SLC11A2: variants seen among roughly 807,000 people sequenced by gnomAD.
The protein encoded by SLC11A2 is natural resistance-associated macrophage protein 2.
Under a neutral mutation model 68.0 loss-of-function variants are expected in SLC11A2, and 38 were observed. The observed-to-expected ratio is 0.56, with a 90% CI of 0.43 to 0.73. The LOEUF is 0.73. SLC11A2 is among the 30% of genes least tolerant of loss of function. The probability of loss-of-function intolerance (pLI) is 0.00; values close to 1 mark genes in which losing one functional copy is unlikely to be tolerated. For missense variants in SLC11A2, 517 were observed against 690.5 expected (o/e 0.75, Z 2.82); for synonymous variants, 242 against 250.6 (o/e 0.97, Z 0.32).
At chr12:50,963,168 G>C in the SLC11A2 span, among the ~76,000 whole-genome samples, 4 of 151,776 alleles carry the variant, frequency 2.6e-5, no homozygotes, top group Non-Finnish European at 4.4e-5. Flanking sequence ...TCAGGAGTTT[G>C]AGACAAGCCT....
At chr12:51,028,389 C>T (rs1414445995), upstream of SLC11A2, 2 of 531,820 alleles carry the variant, frequency 3.8e-6, no homozygotes, top group Middle Eastern at 4.8e-4. Context: ...CCCTCCAAAG[C>T]CTAATCAGAT....
chr12:50,965,463 A>T, the SLC11A2 span, among the ~76,000 whole-genome samples: 3 of 151,978 alleles, frequency 2.0e-5, no homozygotes, highest in Admixed American at 2.0e-4. Flanking sequence ...ATTTCCTACT[A>T]TAATAGCCCT....
At chr12:50,985,356 TC>T (rs1458204200), downstream of SLC11A2, among the ~76,000 whole-genome samples, 2 of 152,148 alleles carry the variant, frequency 1.3e-5, no homozygotes, top group East Asian at 3.8e-4. Flanking sequence ...ACAAAATTCT[TC>T]CTAGATGAAT....
At chr12:50,982,546 G>T (rs1940126225), downstream of SLC11A2, among the ~76,000 whole-genome samples, 1 of 152,326 alleles carries the variant, frequency 6.6e-6, no homozygotes, top group Non-Finnish European at 1.5e-5. Context: ...AGAATCACTT[G>T]AACCCAGGAG....
At chr12:50,997,738 A>T (rs1941842789) in intron 8 of SLC11A2, among the ~76,000 whole-genome samples, 1 of 146,602 alleles carries the variant, frequency 6.8e-6, no homozygotes, top group African/African-American at 2.5e-5. Flanking sequence ...CTGTAATCCT[A>T]GCACTTTAGC....
downstream of SLC11A2, among the ~76,000 whole-genome samples, chr12:50,985,011 C>A (rs1021599813): frequency 6.6e-6 from 1 of 152,088 alleles, no homozygotes; most frequent in South Asian, 2.1e-4. Context: ...TAAATGTGGG[C>A]AAGTTACTTT....
the SLC11A2 span, among the ~76,000 whole-genome samples, chr12:50,952,801 G>C: frequency 2.0e-5 from 3 of 152,168 alleles, no homozygotes; most frequent in Non-Finnish European, 4.4e-5. Context: ...GTTTCCGAAG[G>C]ATGGCAAGAA....
intron 1 of SLC11A2, among the ~76,000 whole-genome samples, chr12:51,020,494 T>A (rs1376278332): frequency 6.6e-6 from 1 of 152,116 alleles, no homozygotes; most frequent in Non-Finnish European, 1.5e-5. Context: ...TCTACTCAAG[T>A]GGGTAATATT....
intron 10 of SLC11A2, 111 bp downstream of exon 10, chr12:50,995,518 A>G (rs191335696): frequency 8.7e-7 from 1 of 1,146,088 alleles, no homozygotes; most frequent in African/African-American, 1.5e-5. Flanking sequence ...GAAGCTAGAG[A>G]TTATTTCTCC....
chr12:51,008,571 C>G lies in SLC11A2; in HGVS notation c.88G>C (p.Ala30Pro). ...ESASLGNINP[A>P]YSNPSLSQSP... The stretch of plus-strand genomic sequence containing the variant: ...TGTGAAAGAGAGGGATTACTATAGG[C>G]AGGGTTGATGTTACCAAGACTGGCA... The change falls in exon 3 of 16, where the codon GCC becomes CCC. Residue 30 changes from alanine (A) to proline (P), a missense_variant. Ala to Pro is a conservative substitution (Grantham distance 27, BLOSUM62 -1). Coordinates refer to ENST00000262052, the MANE Select transcript of SLC11A2 (RefSeq NM_000617.3). The G allele has an allele frequency of 6.2e-7, 1 of 1,612,358 alleles. No homozygotes were observed. Among genetic ancestry groups the G allele is most frequent in the Non-Finnish European group, 8.5e-7 (1 of 1,178,508 alleles).
At chr12:51,005,856 C>A in intron 3 of SLC11A2, 1 of 390,944 alleles carries the variant, frequency 2.6e-6, no homozygotes, top group Non-Finnish European at 4.7e-6. Context: ...CTCCCCCAAC[C>A]AACTGAACGG....
intron 9 of SLC11A2, among the ~76,000 whole-genome samples, chr12:50,996,241 A>C (rs1313974919): frequency 1.3e-5 from 2 of 152,208 alleles, no homozygotes; most frequent in Non-Finnish European, 2.9e-5. Context: ...TTTGAAATTT[A>C]AACACAAGAG....
intron 1 of SLC11A2, among the ~76,000 whole-genome samples, chr12:51,019,357 G>C (rs1943881508): frequency 1.3e-5 from 2 of 152,160 alleles, no homozygotes; most frequent in Non-Finnish European, 2.9e-5. Flanking sequence ...CAAAGTACTT[G>C]ACAGTTCTAC....
At chr12:51,021,748 TAAAGAAA>T (rs1256927065) in intron 1 of SLC11A2, among the ~76,000 whole-genome samples, 1 of 151,196 alleles carries the variant, frequency 6.6e-6, no homozygotes, top group Non-Finnish European at 1.5e-5. Context: ...CATCTTAAGA[TAAAGAAA>T]AAAGAAAAAG....
At chr12:50,981,894 A>G, downstream of SLC11A2, 2 of 682,458 alleles carry the variant, frequency 2.9e-6, no homozygotes. Context: ...ACATCAATTT[A>G]GGCCTTTTTT....
At position 50,986,495 on chromosome 12, in the gene SLC11A2, G is replaced by C. The variant is rs1940567968; in HGVS notation, c.*1830C>G. Reference sequence around the variant, plus strand: ...GCAGCTTTTACCTAGGCTCCTAAATGCTTGTAAATCTGAGACTGACTGGAC... The same window carrying C: ...GCAGCTTTTACCTAGGCTCCTAAATCCTTGTAAATCTGAGACTGACTGGAC... On this transcript the variant is annotated 3_prime_UTR_variant, in exon 16 of 16. Coordinates refer to ENST00000262052, the MANE Select transcript of SLC11A2 (RefSeq NM_000617.3). 6 of 1,285,724 alleles carry C rather than the reference G, an allele frequency of 4.7e-6. No individual in the cohort carries two copies. The African/African-American group carries it at 7.6e-5, about 16-fold the overall frequency. The allele number at this position is 1,285,724 out of a possible 1,614,324, so 79.6% of individuals were successfully genotyped here. A position where few individuals can be genotyped will look rare whatever the true frequency, so the allele number is the denominator to read the frequency against.
intron 1 of SLC11A2, among the ~76,000 whole-genome samples, chr12:51,025,307 T>G (rs1422725364): frequency 1.3e-5 from 2 of 152,234 alleles, no homozygotes; most frequent in African/African-American, 4.8e-5. Flanking sequence ...GAGTTCTAAG[T>G]ACTTTGTTGT....
At chr12:51,022,632 TAAGTA>T (rs1329686790) in intron 1 of SLC11A2, among the ~76,000 whole-genome samples, 1 of 152,148 alleles carries the variant, frequency 6.6e-6, no homozygotes, top group Non-Finnish European at 1.5e-5. Context: ...TTAACAACTT[TAAGTA>T]AATATTGTCC....
At chr12:51,026,104 T>C (rs1944365940) in intron 1 of SLC11A2, 1 of 1,095,662 alleles carries the variant, frequency 9.1e-7, no homozygotes, top group Admixed American at 5.8e-5. Flanking sequence ...TCTTTGGGTC[T>C]TTCTCTGAAT....
Sources: allele counts gnomAD v4.1 joint callset (sites outside exome capture counted in the v4.1 genomes callset), GRCh38; gene constraint gnomAD v4.1.1; transcripts MANE v1.5; gene names NCBI Gene and HGNC (gene_info 2026-07-23, HGNC 2026-07-21).